Variants in DMTF1 observed in about 807,000 individuals in gnomAD.
The protein encoded by DMTF1 is cyclin D binding myb like transcription factor 1, also known as cyclin-D-binding Myb-like transcription factor 1.
Under a neutral mutation model 91.1 loss-of-function variants are expected in DMTF1, and 39 were observed. That is an observed-to-expected ratio of 0.43 (90% CI 0.33 to 0.56). The LOEUF is 0.56. DMTF1 is among the 20% of genes least tolerant of loss of function. DMTF1 has a pLI of 0.05. For missense variants in DMTF1, 750 were observed against 914.5 expected (o/e 0.82, Z 2.32); for synonymous variants, 338 against 309.5 (o/e 1.09, Z -0.97).
Position 87,173,566 on chromosome 7 carries a change from C to T in DMTF1, c.359C>T (p.Ser120Phe). 6.2e-7 allele frequency: 1 copy of T among 1,609,330 alleles called. No homozygotes were observed. Residue 120 changes from serine (S) to phenylalanine (F), a missense_variant, in exon 6 of 18, where the codon TCT (serine) becomes TTT (phenylalanine). Ser to Phe is a radical substitution (Grantham distance 155). Transcript: ENST00000331242. ...ILQNEQLDEI[S>F]PLGNEEVSAV... is the part of the protein sequence containing the mutation. Reference sequence around the variant, plus strand: ...CAGAATGAGCAACTAGATGAAATATCTCCCTTGGGTAACGAGGAAGTTTCA... The same window carrying T: ...CAGAATGAGCAACTAGATGAAATATTTCCCTTGGGTAACGAGGAAGTTTCA...
intron 4 of DMTF1, among the ~76,000 whole-genome samples, chr7:87,169,643 CCTT>C (rs754994380): frequency 3.3e-5 from 5 of 152,178 alleles, no homozygotes; most frequent in African/African-American, 7.2e-5. Flanking sequence ...TCTCCAAAGA[CCTT>C]CTTGTTGCCA....
chr7:87,194,460 T>C (rs771237575), intron 16 of DMTF1: 11 of 497,808 alleles, frequency 2.2e-5, no homozygotes, highest in East Asian at 3.2e-5. Context: ...TCTTCTGTTA[T>C]ATTCAGCTGA....
At chr7:87,158,537 TAA>T (rs924591257) in intron 1 of DMTF1, among the ~76,000 whole-genome samples, 3 of 152,058 alleles carry the variant, frequency 2.0e-5, no homozygotes, top group Non-Finnish European at 2.9e-5. Flanking sequence ...GTTAAAACTT[TAA>T]GAGTTATAAT....
chr7:87,167,905 G>T (rs1007354396), intron 4 of DMTF1, among the ~76,000 whole-genome samples: 1 of 152,108 alleles, frequency 6.6e-6, no homozygotes, highest in Non-Finnish European at 1.5e-5. Context: ...GATATAAATT[G>T]ACTTCAACCA....
chr7:87,156,399 TATAATC>T (rs896164599), intron 1 of DMTF1, among the ~76,000 whole-genome samples: 1 of 152,150 alleles, frequency 6.6e-6, no homozygotes, highest in Non-Finnish European at 1.5e-5. Context: ...TTTTATGATA[TATAATC>T]ATATTTTACC....
chr7:87,175,643 T>C (rs79257494), intron 7 of DMTF1, among the ~76,000 whole-genome samples: 10,413 of 152,244 alleles, frequency 0.068, 421 homozygotes, highest in Middle Eastern at 0.12. Flanking sequence ...AGAGCAGTTA[T>C]GGAAAATTTT....
chr7:87,176,460 AAGGACC>A, intron 7 of DMTF1, among the ~76,000 whole-genome samples: 1 of 152,198 alleles, frequency 6.6e-6, no homozygotes, highest in East Asian at 1.9e-4. Context: ...AGATGATCTC[AAGGACC>A]CTTCCAAGTT....
intron 5 of DMTF1, among the ~76,000 whole-genome samples, chr7:87,172,598 C>G (rs1343552056): frequency 6.6e-6 from 1 of 150,914 alleles, no homozygotes; most frequent in African/African-American, 2.4e-5. Context: ...GTAGTCCAGT[C>G]CTTCTTAGGA....
chr7:87,165,428 C>A (rs1249859536), intron 3 of DMTF1, among the ~76,000 whole-genome samples: 1 of 152,142 alleles, frequency 6.6e-6, no homozygotes, highest in Non-Finnish European at 1.5e-5. Context: ...ATATGGTGAT[C>A]TACAATGAAT....
At chr7:87,179,486 A>C in intron 7 of DMTF1, 59 bp from the exon 8 acceptor site, 1 of 1,366,972 alleles carries the variant, frequency 7.3e-7, no homozygotes, top group South Asian at 2.1e-5. Flanking sequence ...TTAAAAGCAT[A>C]GTATATCCAT....
Position 87,190,958 on chromosome 7 carries a change from T to C in DMTF1, c.1425T>C (p.Ser475=). Reference sequence around the variant, plus strand: ...TTCTTACCACAGCTTCAGCAGACTCTCCTGCTACCGTTGACTCAGAAACAA... The same window carrying C: ...TTCTTACCACAGCTTCAGCAGACTCCCCTGCTACCGTTGACTCAGAAACAA... The part of the protein sequence containing the change: ...VQITHVSSAD[S]PATVDSETIT... Residue 475 remains serine, a synonymous_variant, in exon 14 of 18, where the codon TCT becomes TCC. Coordinates refer to ENST00000331242, the MANE Select transcript of DMTF1 (RefSeq NM_001142327.2). The C allele has an allele frequency of 6.2e-7, 1 of 1,609,870 alleles. No homozygotes were observed. The highest frequency in any genetic ancestry group is 8.5e-7 in the Non-Finnish European group (1 of 1,177,564).
At chr7:87,187,710 GA>G in intron 12 of DMTF1, 1 of 215,676 alleles carries the variant, frequency 4.6e-6, no homozygotes, top group Non-Finnish European at 9.3e-6. Context: ...CCCTGGCGGG[GA>G]AAACATACAC....
At chr7:87,155,291 T>C (rs774612673) in intron 1 of DMTF1, among the ~76,000 whole-genome samples, 4 of 152,206 alleles carry the variant, frequency 2.6e-5, no homozygotes, top group Middle Eastern at 3.2e-3. Flanking sequence ...TTTTTTTATA[T>C]CTTATGTAGA....
chr7:87,166,584 A>G lies in DMTF1; in HGVS notation c.211A>G (p.Ile71Val). 1 of 1,613,106 alleles carries G rather than the reference A, an allele frequency of 6.2e-7. No homozygotes were observed. The highest frequency in any genetic ancestry group is 1.1e-5 in the South Asian group (1 of 91,008). ...DQSIDDSTPC[I>V]SVVALPLSEN... Reference sequence around the variant, plus strand: ...GAGTATTGATGATTCTACTCCTTGCATATCAGTTGTTGCACTTCCACGTAA... The same window carrying G: ...GAGTATTGATGATTCTACTCCTTGCGTATCAGTTGTTGCACTTCCACGTAA... The change falls in exon 4 of 18, where the codon ATA becomes GTA. Residue 71 changes from isoleucine (I) to valine (V), a missense_variant. Physicochemically the swap from Ile to Val is conservative, Grantham distance 29. Transcript: ENST00000331242.
Position 87,153,089 on chromosome 7 carries a change from C to T in DMTF1, c.-132+534C>T, listed in dbSNP as rs1162784040. On this transcript the variant is annotated intron_variant, in intron 1 of 17. Coordinates refer to ENST00000331242, the MANE Select transcript of DMTF1 (RefSeq NM_001142327.2). The stretch of plus-strand genomic sequence containing the variant: ...GTGGGGGTGGGTCTCGACCCAACTT[C>T]CCCCCCTTTGCTTTTTTGTTCTTTT... 4 of 152,300 alleles carry T rather than the reference C, an allele frequency of 2.6e-5. No homozygotes were observed. In the East Asian group the frequency reaches 5.8e-4, roughly 22 times the overall value. The allele number at this position is 152,300 out of a possible 1,614,324, so 9.4% of individuals were successfully genotyped here. A position where few individuals can be genotyped will look rare whatever the true frequency, so the allele number is the denominator to read the frequency against.
At position 87,153,535 on chromosome 7, in the gene DMTF1, G is replaced by A. The variant is rs1789873709; in HGVS notation, c.-132+980G>A. 3.3e-5 allele frequency among the ~76,000 whole-genome samples: 5 copies of A among 151,104 alleles called. No homozygotes were observed. In the South Asian group the frequency reaches 1.1e-3, roughly 32 times the overall value. On this transcript the variant is annotated intron_variant, in intron 1 of 17. Transcript: ENST00000331242. Reference sequence around the variant, plus strand: ...AAATACTCGGTGTAGATAAGGAAAAGGATAATAGTATACAGTATGAGTCAG... The same window carrying A: ...AAATACTCGGTGTAGATAAGGAAAAAGATAATAGTATACAGTATGAGTCAG...
Position 87,193,540 on chromosome 7 carries a change from G to C in DMTF1, c.1651-185G>C, listed in dbSNP as rs1405157865. On this transcript the variant is annotated intron_variant, in intron 15 of 17. Coordinates refer to ENST00000331242, the MANE Select transcript of DMTF1 (RefSeq NM_001142327.2). ...TCATCCCTTCTCTTTATGTAAGATG[G>C]CTATACATTAGAATAGGGACATTAG... 4 of 800,128 alleles carry C rather than the reference G, an allele frequency of 5.0e-6. 1 individual carries two copies. In the Admixed American group the frequency reaches 1.1e-4, roughly 23 times the overall value. 49.6% of individuals were successfully genotyped at this position (800,128 alleles called of 1,614,324 possible). A position where few individuals can be genotyped will look rare whatever the true frequency, so the allele number is the denominator to read the frequency against.
At chr7:87,177,343 T>C (rs1796476507) in intron 7 of DMTF1, among the ~76,000 whole-genome samples, 1 of 152,150 alleles carries the variant, frequency 6.6e-6, no homozygotes, top group African/African-American at 2.4e-5. Flanking sequence ...GGGTGTTAAT[T>C]ATGGTTTTAA....
chr7:87,195,436 T>A lies in DMTF1; in HGVS notation c.*296T>A, dbSNP rs1801046763. On this transcript the variant is annotated 3_prime_UTR_variant, in exon 18 of 18. Coordinates refer to ENST00000331242, the MANE Select transcript of DMTF1 (RefSeq NM_001142327.2). ...TTCACTTCAGCCACTAAGAAAAGTT[T>A]AGAATCACGAAAGCTTAACTGCTGT... 7.6e-6 allele frequency: 2 copies of A among 261,440 alleles called. No homozygotes were observed. The highest frequency in any genetic ancestry group is 4.5e-5 in the African/African-American group (2 of 44,480). The allele number at this position is 261,440 out of a possible 1,614,324, so 16.2% of individuals were successfully genotyped here.
Sources: gnomAD v4.1 joint callset for allele counts (sites outside exome capture counted in the v4.1 genomes callset) on GRCh38, gnomAD v4.1.1 for gene constraint, MANE v1.5 for transcripts, NCBI Gene and HGNC (gene_info 2026-07-23, HGNC 2026-07-21) for gene names.